The following NRXN1 variants were observed in gnomAD, a reference collection of about 807,000 sequenced individuals.
The protein encoded by NRXN1 is neurexin 1, also known as neurexin-1.
NRXN1 carries 39 observed loss-of-function variants against 150.9 expected under a neutral mutation model. That is an observed-to-expected ratio of 0.26 (90% CI 0.20 to 0.34). NRXN1 has a LOEUF of 0.34. Ranked by LOEUF, NRXN1 falls within the 10% of genes least tolerant of loss-of-function variation. NRXN1 has a pLI of 1.00. For synonymous variants in NRXN1, 924 were observed against 757.0 expected (o/e 1.22, Z -3.62); for missense variants, 1,815 against 1,949.9 (o/e 0.93, Z 1.30).
intron 8 of NRXN1, among the ~76,000 whole-genome samples, chr2:50,570,497 C>T (rs1364426307): frequency 1.3e-5 from 2 of 151,996 alleles, no homozygotes; most frequent in Non-Finnish European, 2.9e-5. Context: ...AAAATTTTAC[C>T]CTTTGTGAAT....
At chr2:50,046,700 G>T (rs1691858413) in intron 21 of NRXN1, among the ~76,000 whole-genome samples, 1 of 152,126 alleles carries the variant, frequency 6.6e-6, no homozygotes, top group Admixed American at 6.5e-5. Flanking sequence ...CTCACAGCTA[G>T]TACGTGGTAA....
intron 8 of NRXN1, among the ~76,000 whole-genome samples, chr2:50,587,146 A>C (rs1673271951): frequency 6.6e-6 from 1 of 152,304 alleles, no homozygotes; most frequent in Admixed American, 6.5e-5. Context: ...AAACCTACTT[A>C]ACTCCAGTGA....
intron 5 of NRXN1, among the ~76,000 whole-genome samples, chr2:50,897,939 A>G (rs565394231): frequency 1.3e-5 from 2 of 152,288 alleles, no homozygotes; most frequent in East Asian, 3.9e-4. Context: ...ACAAAACATA[A>G]TAGTCATAAT....
chr2:50,933,971 C>T lies in NRXN1; in HGVS notation c.773-8016G>A, dbSNP rs559695192. ...TGTTTAAACTGCTTTCTATGACTAC[C>T]GGCAAGTCTGCATTTCTACCAAAAC... On this transcript the variant is annotated intron_variant, in intron 2 of 22. Coordinates refer to ENST00000401669, the MANE Select transcript of NRXN1 (RefSeq NM_001330078.2). 4.6e-5 allele frequency among the ~76,000 whole-genome samples: 7 copies of T among 152,144 alleles called. 1 individual carries two copies. In the East Asian group the frequency reaches 9.7e-4, roughly 21 times the overall value.
At chr2:50,937,377 T>C (rs900531685) in intron 2 of NRXN1, among the ~76,000 whole-genome samples, 2 of 152,144 alleles carry the variant, frequency 1.3e-5, no homozygotes, top group Non-Finnish European at 2.9e-5. Context: ...GTTTCCTACC[T>C]CAATTTCCTG....
At chr2:50,234,786 C>A (rs115144909) in intron 18 of NRXN1, among the ~76,000 whole-genome samples, 1,550 of 151,966 alleles carry the variant, frequency 0.01, 25 homozygotes, top group African/African-American at 0.035. Context: ...CCAAAGAGAA[C>A]GACCAGGCAA....
chr2:50,410,368 T>A (rs943109255), intron 17 of NRXN1, among the ~76,000 whole-genome samples: 1 of 152,230 alleles, frequency 6.6e-6, no homozygotes, highest in African/African-American at 2.4e-5. Context: ...ATGTGATACT[T>A]AACATATCCT....
At chr2:50,828,886 G>T (rs1304896929) in intron 5 of NRXN1, among the ~76,000 whole-genome samples, 1 of 152,204 alleles carries the variant, frequency 6.6e-6, no homozygotes, top group African/African-American at 2.4e-5. Flanking sequence ...GCGGCTGGGA[G>T]GTGGAGGTTG....
At chr2:50,418,914 T>G (rs1015458763) in intron 17 of NRXN1, among the ~76,000 whole-genome samples, 1 of 152,086 alleles carries the variant, frequency 6.6e-6, no homozygotes, top group Non-Finnish European at 1.5e-5. Flanking sequence ...CATATTTAAG[T>G]TACAAAAATC....
chr2:50,274,306 A>G (rs992768452), intron 17 of NRXN1, among the ~76,000 whole-genome samples: 2 of 152,164 alleles, frequency 1.3e-5, no homozygotes, highest in African/African-American at 4.8e-5. Context: ...ACAGGAAACC[A>G]AACACTGCAT....
At chr2:50,993,547 A>G (rs1260243660) in intron 2 of NRXN1, among the ~76,000 whole-genome samples, 1 of 151,818 alleles carries the variant, frequency 6.6e-6, no homozygotes, top group East Asian at 1.9e-4. Flanking sequence ...CCAACTTGCT[A>G]TGATTCTTTT....
At chr2:50,959,015 T>C (rs1407439394) in intron 2 of NRXN1, among the ~76,000 whole-genome samples, 1 of 152,138 alleles carries the variant, frequency 6.6e-6, no homozygotes, top group Non-Finnish European at 1.5e-5. Flanking sequence ...AGAATTTTTG[T>C]GTCTACATTC....
At chr2:50,397,281 A>T (rs984042848) in intron 17 of NRXN1, among the ~76,000 whole-genome samples, 2 of 152,068 alleles carry the variant, frequency 1.3e-5, no homozygotes, top group African/African-American at 4.8e-5. Context: ...TGCTCTACCC[A>T]GTCTGTCTTG....
intron 18 of NRXN1, among the ~76,000 whole-genome samples, chr2:50,217,297 C>T (rs559351888): frequency 4.6e-5 from 7 of 152,158 alleles, no homozygotes; most frequent in Admixed American, 6.6e-5. Flanking sequence ...TTCTCAATCA[C>T]ATCTTTAAAA....
chr2:50,667,328 C>A (rs1019577214), intron 5 of NRXN1, among the ~76,000 whole-genome samples: 6 of 151,856 alleles, frequency 4.0e-5, no homozygotes, highest in Non-Finnish European at 1.5e-5. Flanking sequence ...CTTCTATTAA[C>A]ATTTAGTAAA....
intron 8 of NRXN1, among the ~76,000 whole-genome samples, chr2:50,562,290 T>A (rs567566987): frequency 6.6e-6 from 1 of 152,020 alleles, no homozygotes; most frequent in East Asian, 1.9e-4. Flanking sequence ...TGTATATGCA[T>A]GTATTATAGA....
chr2:50,975,405 C>A (rs1256182724), intron 2 of NRXN1, among the ~76,000 whole-genome samples: 1 of 152,068 alleles, frequency 6.6e-6, no homozygotes, highest in South Asian at 2.1e-4. Flanking sequence ...CATACATACA[C>A]ACATACAAGT....
intron 2 of NRXN1, among the ~76,000 whole-genome samples, chr2:50,995,067 T>C (rs1699062985): frequency 6.6e-6 from 1 of 151,942 alleles, no homozygotes; most frequent in African/African-American, 2.4e-5. Flanking sequence ...ATTAATGTAT[T>C]TACACTGAGG....
At chr2:50,532,573 A>T (rs1202235978) in intron 10 of NRXN1, among the ~76,000 whole-genome samples, 1 of 152,088 alleles carries the variant, frequency 6.6e-6, no homozygotes, top group East Asian at 1.9e-4. Flanking sequence ...AACTTTAAAT[A>T]TTATCTATAA....
Sources: allele counts gnomAD v4.1 joint callset (sites outside exome capture counted in the v4.1 genomes callset), GRCh38; gene constraint gnomAD v4.1.1; transcripts MANE v1.5; gene names NCBI Gene and HGNC (gene_info 2026-07-23, HGNC 2026-07-21).